MGAT4C: variants seen among roughly 807,000 people sequenced by gnomAD.
MGAT4C encodes MGAT4 family member C.
A neutral mutation model predicts 40.1 loss-of-function variants in MGAT4C; 19 were observed. That is an observed-to-expected ratio of 0.47 (90% CI 0.33 to 0.70). MGAT4C has a LOEUF of 0.70. MGAT4C is among the 30% of genes least tolerant of loss of function. MGAT4C has a pLI of 0.02. For missense variants in MGAT4C, 491 were observed against 563.2 expected (o/e 0.87, Z 1.30); for synonymous variants, 181 against 187.1 (o/e 0.97, Z 0.27).
chr12:86,704,278 G>A (rs981142), intron 2 of MGAT4C, among the ~76,000 whole-genome samples: 1 of 151,896 alleles, frequency 6.6e-6, no homozygotes, highest in Non-Finnish European at 1.5e-5. Flanking sequence ...GGGTCAGCCC[G>A]TTGGCTATGC....
At chr12:86,571,072 C>T (rs1960345753) in intron 2 of MGAT4C, among the ~76,000 whole-genome samples, 1 of 152,124 alleles carries the variant, frequency 6.6e-6, no homozygotes. Flanking sequence ...ACCTCGGCTT[C>T]CCAAAGTGCT....
chr12:86,327,205 A>G (rs978986520), intron 4 of MGAT4C, among the ~76,000 whole-genome samples: 1 of 152,096 alleles, frequency 6.6e-6, no homozygotes, highest in Admixed American at 6.6e-5. Flanking sequence ...TCCCAGCACT[A>G]TATTATAGTC....
chr12:86,264,555 G>T (rs1022461114), intron 4 of MGAT4C, among the ~76,000 whole-genome samples: 2 of 152,110 alleles, frequency 1.3e-5, no homozygotes, highest in South Asian at 4.1e-4. Context: ...GAGTTAGCTG[G>T]GCAGGAGCCT....
chr12:86,519,956 A>G (rs745360276), intron 2 of MGAT4C, among the ~76,000 whole-genome samples: 2 of 152,150 alleles, frequency 1.3e-5, no homozygotes, highest in Non-Finnish European at 2.9e-5. Context: ...GAGGTCTTAC[A>G]CAAAAAATAT....
chr12:86,753,863 T>A, intron 1 of MGAT4C, among the ~76,000 whole-genome samples: 1 of 151,850 alleles, frequency 6.6e-6, no homozygotes, highest in Non-Finnish European at 1.5e-5. Flanking sequence ...CCATACTAAG[T>A]GTTGAAAAGA....
chr12:86,492,184 G>C (rs1208194034), intron 2 of MGAT4C, among the ~76,000 whole-genome samples: 2 of 152,122 alleles, frequency 1.3e-5, no homozygotes, highest in African/African-American at 4.8e-5. Flanking sequence ...ATGCTCCTGG[G>C]TAGGAAGAAT....
intron 2 of MGAT4C, among the ~76,000 whole-genome samples, chr12:86,707,419 T>C (rs1950478050): frequency 6.6e-6 from 1 of 152,162 alleles, no homozygotes; most frequent in East Asian, 1.9e-4. Flanking sequence ...TGATTCTAGT[T>C]ATGTTTTAGA....
intron 1 of MGAT4C, among the ~76,000 whole-genome samples, chr12:86,769,174 G>C (rs1262900300): frequency 6.6e-6 from 1 of 151,334 alleles, no homozygotes; most frequent in Non-Finnish European, 1.5e-5. Flanking sequence ...ATTTACAAGA[G>C]AAAAACAAAA....
chr12:86,058,059 A>G (rs1893573446), intron 1 of MGAT4C, among the ~76,000 whole-genome samples: 1 of 152,110 alleles, frequency 6.6e-6, no homozygotes, highest in Admixed American at 6.6e-5. Context: ...GATTTTTATA[A>G]AAGAGAGAGT....
At chr12:86,458,718 G>T (rs148791969) in intron 2 of MGAT4C, among the ~76,000 whole-genome samples, 1 of 152,136 alleles carries the variant, frequency 6.6e-6, no homozygotes, top group African/African-American at 2.4e-5. Context: ...ATTTTTAAAC[G>T]AGTAAATGAT....
intron 1 of MGAT4C, among the ~76,000 whole-genome samples, chr12:86,184,738 TAAAAAAAAAAA>T (rs34098097): frequency 4.6e-5 from 4 of 86,910 alleles, no homozygotes; most frequent in Non-Finnish European, 8.6e-5. Flanking sequence ...TTTCTCCTGT[TAAAAAAAAAAA>T]AAAAAAAAAA....
At chr12:86,020,119 C>A (rs1437895669) in intron 2 of MGAT4C, among the ~76,000 whole-genome samples, 1 of 152,140 alleles carries the variant, frequency 6.6e-6, no homozygotes, top group Non-Finnish European at 1.5e-5. Context: ...TCTAGATATA[C>A]AATCATGTCA....
chr12:86,566,304 C>A (rs2136415288), intron 2 of MGAT4C, among the ~76,000 whole-genome samples: 1 of 151,534 alleles, frequency 6.6e-6, no homozygotes, highest in Non-Finnish European at 1.5e-5. Flanking sequence ...AATCCGCTGC[C>A]AGCACAGCTA....
At chr12:86,537,031 T>C (rs1338449020) in intron 2 of MGAT4C, among the ~76,000 whole-genome samples, 1 of 152,186 alleles carries the variant, frequency 6.6e-6, no homozygotes, top group East Asian at 1.9e-4. Context: ...TGGAATACTA[T>C]GCAGCCATAA....
intron 1 of MGAT4C, among the ~76,000 whole-genome samples, chr12:86,215,422 C>G (rs839105): frequency 0.64 from 97,380 of 151,976 alleles, 32,080 homozygotes; most frequent in South Asian, 0.75. Context: ...TAGCAAACTG[C>G]AACTTAATTT....
intron 2 of MGAT4C, among the ~76,000 whole-genome samples, chr12:86,628,161 A>T (rs1962883602): frequency 1.3e-5 from 2 of 152,202 alleles, no homozygotes; most frequent in Admixed American, 1.3e-4. Context: ...TGAAGATCAA[A>T]TGAATGAAAT....
chr12:86,531,313 C>T (rs1200436931), intron 2 of MGAT4C, among the ~76,000 whole-genome samples: 1 of 151,996 alleles, frequency 6.6e-6, no homozygotes, highest in Non-Finnish European at 1.5e-5. Context: ...AGAGCTTACC[C>T]CTGGAAACCA....
intron 3 of MGAT4C, among the ~76,000 whole-genome samples, chr12:86,359,706 T>C (rs1438626791): frequency 6.6e-6 from 1 of 152,154 alleles, no homozygotes. Flanking sequence ...TAAACACGTC[T>C]ATGCAAATAA....
chr12:86,080,765 G>A (rs1273821020), intron 1 of MGAT4C, among the ~76,000 whole-genome samples: 1 of 152,114 alleles, frequency 6.6e-6, no homozygotes, highest in African/African-American at 2.4e-5. Flanking sequence ...ATTAACTGAA[G>A]GAAGGATATA....
Sources: gnomAD v4.1 joint callset for allele counts (sites outside exome capture counted in the v4.1 genomes callset) on GRCh38, gnomAD v4.1.1 for gene constraint, MANE v1.5 for transcripts, NCBI Gene and HGNC (gene_info 2026-07-23, HGNC 2026-07-21) for gene names.